DHX9: variants seen among roughly 807,000 people sequenced by gnomAD.
The protein encoded by DHX9 is DExH-box helicase 9.
In DHX9, 27 loss-of-function variants were observed where a neutral mutation model predicts 148.7. That is an observed-to-expected ratio of 0.18 (90% CI 0.13 to 0.25). DHX9 has a LOEUF of 0.25. DHX9 is among the 10% of genes least tolerant of loss of function. The pLI, the probability that DHX9 is intolerant of heterozygous loss-of-function variation, is 1.00. For synonymous variants in DHX9, 529 were observed against 516.6 expected, an observed-to-expected ratio of 1.02 and a Z score of -0.33; for missense variants, 796 against 1,559.6, an observed-to-expected ratio of 0.51 and a Z score of 8.25.
chr1:182,881,247 G>A lies in DHX9; in HGVS notation c.2625-17G>A. The A allele has an allele frequency of 1.9e-6, 3 of 1,609,298 alleles. No individual in the cohort carries two copies. The highest frequency in any genetic ancestry group is 8.5e-7 in the Non-Finnish European group (1 of 1,177,876). On this transcript the variant is annotated splice_polypyrimidine_tract_variant and intron_variant, in intron 22 of 27. Transcript: ENST00000367549. ...ATTGTGATCTAGTCTGGATTTAACT[G>A]TCTTTGTGTATTTCAGCGTGGGAGA...
At chr1:182,847,263 C>T (rs1428865951) in intron 3 of DHX9, among the ~76,000 whole-genome samples, 2 of 152,256 alleles carry the variant, frequency 1.3e-5, no homozygotes, top group Middle Eastern at 3.4e-3. Flanking sequence ...ACATTTTCCT[C>T]TTTGTGTATC....
intron 19 of DHX9, 38 bp from the exon 20 acceptor site, chr1:182,877,983 C>T (rs1206066681): frequency 6.2e-7 from 1 of 1,610,626 alleles, no homozygotes; most frequent in Non-Finnish European, 8.5e-7. Flanking sequence ...ATTGATAATA[C>T]ACATGAGTCT....
Position 182,858,621 on chromosome 1 carries a change from A to G in DHX9, c.881A>G (p.Asn294Ser). Reference protein sequence around the residue: ...HQLQNIIQELNLEILPPPEDP... With the variant: ...HQLQNIIQELSLEILPPPEDP... ...CTGCAAAACATCATTCAAGAGCTAA[A>G]TCTTGAGATTTTGCCCCCGGTAAGC... The change falls in exon 9 of 28, where the codon AAT becomes AGT. Residue 294 changes from asparagine (N) to serine (S), a missense_variant. Asn to Ser is a conservative substitution (Grantham distance 46). Transcript: ENST00000367549. 6.2e-7 allele frequency: 1 copy of G among 1,609,762 alleles called. No individual in the cohort carries two copies. The highest frequency in any genetic ancestry group is 8.5e-7 in the Non-Finnish European group (1 of 1,176,632).
chr1:182,855,487 C>CAT, intron 6 of DHX9: 1 of 907,706 alleles, frequency 1.1e-6, no homozygotes, highest in Non-Finnish European at 1.3e-6. Flanking sequence ...GGTCTGTGTT[C>CAT]ATACACACAT....
intron 11 of DHX9, among the ~76,000 whole-genome samples, chr1:182,859,791 T>G (rs1182059696): frequency 3.9e-5 from 6 of 152,130 alleles, no homozygotes; most frequent in Non-Finnish European, 8.8e-5. Context: ...TTTTGTATTT[T>G]TAGTAGAGAT....
chr1:182,859,218 G>A (rs1253919175), intron 11 of DHX9, 101 bp downstream of exon 11: 6 of 1,026,004 alleles, frequency 5.8e-6, no homozygotes, highest in East Asian at 2.4e-5. Flanking sequence ...TTTAAGGAGG[G>A]CATATCAAAA....
At position 182,884,653 on chromosome 1, in the gene DHX9, A is replaced by G. The variant is rs1214566764; in HGVS notation, c.3301A>G (p.Thr1101Ala). ...QISHEAAACI[T>A]GLRAAMEALV... ...ATCTCATGAAGCTGCTGCCTGTATC[A>G]CTGGTCTCCGGGCAGCCATGGAGGC... Residue 1101 changes from threonine (T) to alanine (A), a missense_variant, in exon 27 of 28, where the codon ACT becomes GCT. Thr to Ala is a moderately conservative substitution (Grantham distance 58). Coordinates refer to ENST00000367549, the MANE Select transcript of DHX9 (RefSeq NM_001357.5). 4.3e-6 allele frequency: 7 copies of G among 1,614,140 alleles called. No homozygotes were observed. The highest frequency in any genetic ancestry group is 5.9e-6 in the Non-Finnish European group (7 of 1,180,026).
intron 1 of DHX9, among the ~76,000 whole-genome samples, chr1:182,840,573 C>G (rs917117376): frequency 6.6e-6 from 1 of 152,186 alleles, no homozygotes; most frequent in African/African-American, 2.4e-5. Flanking sequence ...GCTGGGATTA[C>G]AGGCGTGAGC....
chr1:182,846,488 C>T (rs1235936444), intron 3 of DHX9, among the ~76,000 whole-genome samples: 1 of 152,204 alleles, frequency 6.6e-6, no homozygotes, highest in Non-Finnish European at 1.5e-5. Flanking sequence ...CCCGCCTTGG[C>T]CTCCCAAAGT....
At chr1:182,886,362 A>C (rs1483723239) in intron 27 of DHX9, among the ~76,000 whole-genome samples, 1 of 151,610 alleles carries the variant, frequency 6.6e-6, no homozygotes, top group Admixed American at 6.6e-5. Context: ...CGCCCAGCTA[A>C]TTTTTGTATT....
intron 12 of DHX9, among the ~76,000 whole-genome samples, chr1:182,860,728 G>A (rs770106781): frequency 2.0e-5 from 3 of 152,200 alleles, no homozygotes; most frequent in Non-Finnish European, 4.4e-5. Flanking sequence ...AAAAAACCAA[G>A]CAATCCGCCT....
chr1:182,841,748 A>C (rs73063076), intron 1 of DHX9, among the ~76,000 whole-genome samples: 6,712 of 152,034 alleles, frequency 0.044, 433 homozygotes, highest in African/African-American at 0.15. Context: ...ATGTGGTCTC[A>C]TATCTTGCTT....
Position 182,876,193 on chromosome 1 carries a change from G to A in DHX9, c.1959G>A (p.Val653=), listed in dbSNP as rs1317287153. The part of the protein sequence containing the change: ...YIETLNVPGA[V]LVFLPGWNLI... ...AAACCCTTAATGTTCCTGGAGCTGT[G>A]TTGGTTTTTTTGCCTGGCTGGAATC... Residue 653 remains valine, a synonymous_variant, in exon 17 of 28, where the codon GTG becomes GTA. Transcript: ENST00000367549. The A allele has an allele frequency of 6.2e-7, 1 of 1,613,970 alleles. No homozygotes were observed. Among genetic ancestry groups the A allele is most frequent in the Middle Eastern group, 1.6e-4 (1 of 6,062 alleles).
chr1:182,880,629 CTCT>C, intron 22 of DHX9, 21 bp downstream of exon 22: 2 of 1,479,966 alleles, frequency 1.4e-6, no homozygotes, highest in Non-Finnish European at 1.9e-6. Context: ...TGTTTTATTT[CTCT>C]TCGTTAAGTG....
At chr1:182,866,818 A>C (rs963897050) in intron 13 of DHX9, 143 bp from the exon 14 acceptor site, 2 of 772,090 alleles carry the variant, frequency 2.6e-6, no homozygotes, top group African/African-American at 3.5e-5. Flanking sequence ...TTCATAGTAC[A>C]CTATCACTTT....
chr1:182,844,094 C>T (rs549542336), intron 3 of DHX9, among the ~76,000 whole-genome samples: 5 of 152,034 alleles, frequency 3.3e-5, no homozygotes, highest in South Asian at 2.1e-4. Flanking sequence ...ATTACAGGCA[C>T]GCTCCATGAT....
At chr1:182,859,225 A>T in intron 11 of DHX9, 108 bp downstream of exon 11, 6 of 906,668 alleles carry the variant, frequency 6.6e-6, no homozygotes, top group Non-Finnish European at 1.0e-5. Flanking sequence ...AGGGCATATC[A>T]AAAGATATGT....
At chr1:182,879,801 CT>C (rs1468790000) in intron 21 of DHX9, among the ~76,000 whole-genome samples, 2 of 152,178 alleles carry the variant, frequency 1.3e-5, no homozygotes, top group East Asian at 3.8e-4. Flanking sequence ...TCTCAGCTCA[CT>C]GCAACCCCCA....
intron 14 of DHX9, 74 bp downstream of exon 14, chr1:182,867,117 T>G: frequency 1.0e-5 from 9 of 892,188 alleles, no homozygotes; most frequent in Non-Finnish European, 1.5e-5. Context: ...ATGTCTTTGT[T>G]TTCCCTTTCC....
Sources: gnomAD v4.1 joint callset for allele counts (sites outside exome capture counted in the v4.1 genomes callset) on GRCh38, gnomAD v4.1.1 for gene constraint, MANE v1.5 for transcripts, NCBI Gene and HGNC (gene_info 2026-07-23, HGNC 2026-07-21) for gene names.